MARK3: variants seen among roughly 807,000 people sequenced by gnomAD.
MARK3 encodes the protein MAP/microtubule affinity-regulating kinase 3.
MARK3 carries 46 observed loss-of-function variants against 90.1 expected under a neutral mutation model. The ratio of observed to expected loss-of-function variants is 0.51; its 90% CI spans 0.40 to 0.65. The LOEUF (loss-of-function observed/expected upper bound fraction) is 0.65. Ranked by LOEUF, MARK3 falls within the 30% of genes least tolerant of loss-of-function variation. The pLI is 0.00. For missense variants in MARK3, 818 were observed against 947.2 expected (o/e 0.86, Z 1.79); for synonymous variants, 321 against 332.6 (o/e 0.97, Z 0.38).
chr14:103,496,520 A>T (rs534925383), intron 15 of MARK3, among the ~76,000 whole-genome samples: 1 of 151,808 alleles, frequency 6.6e-6, no homozygotes, highest in East Asian at 2.0e-4. Context: ...TCAAGCGATT[A>T]TCCTGCCTCA....
chr14:103,412,238 A>T, intron 2 of MARK3: 1 of 777,112 alleles, frequency 1.3e-6, no homozygotes, highest in East Asian at 2.5e-5. Context: ...GTTATGCACA[A>T]GCTCATCGTC....
chr14:103,466,358 A>G lies in MARK3; in HGVS notation c.913A>G (p.Arg305Gly). The G allele has an allele frequency of 1.2e-6, 2 of 1,612,806 alleles. No homozygotes were observed. The highest frequency in any genetic ancestry group is 1.1e-5 in the South Asian group (1 of 91,026). ...CCTTTTTTAGCAAATCATGAAGGAC[A>G]GGTGGATCAATGCAGGGCATGAAGA... Reference protein sequence around the residue: ...RGTLEQIMKDRWINAGHEEDE... With the variant: ...RGTLEQIMKDGWINAGHEEDE... Residue 305 changes from arginine (R) to glycine (G), a missense_variant, in exon 10 of 18, where the codon AGG (arginine) becomes GGG (glycine). Arg to Gly is a moderately radical substitution (Grantham distance 125, BLOSUM62 -2). This residue lies in a region of MARK3 where 560 missense variants were observed against 613.5 expected (regional missense o/e 0.91). Coordinates refer to ENST00000429436, the MANE Select transcript of MARK3 (RefSeq NM_001128918.3).
At chr14:103,498,569 C>T in intron 16 of MARK3, 41 bp downstream of exon 16, 1 of 1,317,560 alleles carries the variant, frequency 7.6e-7, no homozygotes, top group East Asian at 3.3e-5. Flanking sequence ...AATCCTCACT[C>T]CCAAATGGCT....
In MARK3 at chr14:103,412,304, T is replaced by C. The variant is rs2091689106; in HGVS notation, c.243+7037T>C. 1.1e-5 allele frequency: 7 copies of C among 640,800 alleles called. No individual in the cohort carries two copies. In the Admixed American group the frequency reaches 1.7e-4, roughly 15 times the overall value. 39.7% of individuals were successfully genotyped at this position (640,800 alleles called of 1,614,324 possible). On this transcript the variant is annotated intron_variant, in intron 2 of 17. Transcript: ENST00000429436. ...CAAACATAACATGTTCATATGAAACTTGATTGTGGACTTCGCCTCATCCAC... is the reference window on the plus strand; with the variant it reads ...CAAACATAACATGTTCATATGAAACCTGATTGTGGACTTCGCCTCATCCAC...
chr14:103,445,716 A>G (rs923687364), intron 3 of MARK3, among the ~76,000 whole-genome samples: 1 of 152,170 alleles, frequency 6.6e-6, no homozygotes, highest in Non-Finnish European at 1.5e-5. Flanking sequence ...CTTAAAGCCA[A>G]ATCTTTTGAA....
At chr14:103,453,431 C>G (rs769019100) in intron 5 of MARK3, among the ~76,000 whole-genome samples, 17 of 152,232 alleles carry the variant, frequency 1.1e-4, no homozygotes, top group Non-Finnish European at 2.5e-4. Context: ...TGTTACAAAA[C>G]CTGAAGATAG....
Position 103,465,257 on chromosome 14 carries a change from C to T in MARK3, c.541-300C>T, listed in dbSNP as rs151078057. Among the ~76,000 whole-genome samples, 114 of 152,258 alleles carry T rather than the reference C, an allele frequency of 7.5e-4. 1 individual carries two copies. Among genetic ancestry groups the T allele is most frequent in the Non-Finnish European group, 2.5e-4 (17 of 68,014 alleles). On this transcript the variant is annotated intron_variant, in intron 7 of 17. Transcript: ENST00000429436. ...TGCTGGGATCATAGGTGTGAGCCACCGTGCCCAGCCCCCATATTATTATTA... is the reference window on the plus strand; with the variant it reads ...TGCTGGGATCATAGGTGTGAGCCACTGTGCCCAGCCCCCATATTATTATTA...
chr14:103,420,942 T>G (rs1427454846), intron 2 of MARK3, among the ~76,000 whole-genome samples: 2 of 152,130 alleles, frequency 1.3e-5, no homozygotes, highest in African/African-American at 4.8e-5. Flanking sequence ...GATTTTGCCA[T>G]TTAAAATGGG....
chr14:103,478,976 A>G (rs1429367541), intron 13 of MARK3, among the ~76,000 whole-genome samples: 12 of 152,198 alleles, frequency 7.9e-5, no homozygotes, highest in Admixed American at 7.2e-4. Flanking sequence ...GCTACTATAA[A>G]CAATTGTGTA....
At chr14:103,459,653 C>T (rs1040593731) in intron 6 of MARK3, among the ~76,000 whole-genome samples, 3 of 149,388 alleles carry the variant, frequency 2.0e-5, no homozygotes, top group African/African-American at 7.5e-5. Context: ...GTGTGCACCA[C>T]CACGCCCAGC....
chr14:103,467,391 G>A (rs554388975), intron 11 of MARK3, 200 bp downstream of exon 11: 13 of 337,682 alleles, frequency 3.8e-5, no homozygotes, highest in East Asian at 3.2e-4. Context: ...TTGGCCAGGC[G>A]TGGTGGCTCA....
At chr14:103,423,198 G>GTTTTTTTTTTTTTT (rs1418393541) in intron 2 of MARK3, among the ~76,000 whole-genome samples, 23 of 8,374 alleles carry the variant, frequency 2.7e-3, no homozygotes, top group African/African-American at 5.1e-3. Flanking sequence ...AGGACTTGCA[G>GTTTTTTTTTTTTTT]TCTTTTTTTT....
chr14:103,412,685 G>A, intron 2 of MARK3: 1 of 795,734 alleles, frequency 1.3e-6, no homozygotes. Flanking sequence ...CAGGAACTTG[G>A]GGCACTTTCA....
Position 103,385,630 on chromosome 14 carries a change from G to A in MARK3, c.-400G>A. The stretch of plus-strand genomic sequence containing the variant: ...CTCCGCCTCCTCGTTTTCAGGCGCC[G>A]CCGGCGGCGCTGTGTGGAGGCCCGC... On this transcript the variant is annotated 5_prime_UTR_variant, in exon 1 of 18. Coordinates refer to ENST00000429436, the MANE Select transcript of MARK3 (RefSeq NM_001128918.3). 6.0e-6 allele frequency: 1 copy of A among 167,418 alleles called. No homozygotes were observed. Among genetic ancestry groups the A allele is most frequent in the Non-Finnish European group, 1.3e-5 (1 of 78,410 alleles). The allele number at this position is 167,418 out of a possible 1,614,324, so 10.4% of individuals were successfully genotyped here.
intron 15 of MARK3, 108 bp from the exon 16 acceptor site, chr14:103,498,394 A>G (rs2075461539): frequency 1.3e-6 from 1 of 760,276 alleles, no homozygotes; most frequent in Non-Finnish European, 1.9e-6. Context: ...CAGAGAAGGA[A>G]CCCTGCTTTG....
intron 1 of MARK3, among the ~76,000 whole-genome samples, chr14:103,393,869 G>A (rs12889639): frequency 0.63 from 96,148 of 151,658 alleles, 30,959 homozygotes; most frequent in East Asian, 0.86. Context: ...AGTAGCTGGG[G>A]TTACAGGCAC....
At chr14:103,392,947 T>C (rs537914782) in intron 1 of MARK3, among the ~76,000 whole-genome samples, 1 of 152,002 alleles carries the variant, frequency 6.6e-6, no homozygotes, top group East Asian at 1.9e-4. Context: ...GTAGCTAGGA[T>C]TACAGGCAGC....
chr14:103,502,063 G>A (rs1016320737), intron 17 of MARK3, among the ~76,000 whole-genome samples: 1 of 152,174 alleles, frequency 6.6e-6, no homozygotes, highest in South Asian at 2.1e-4. Flanking sequence ...TATAAATAAC[G>A]GCTTGTGGCA....
At chr14:103,411,947 A>G (rs1358564933) in intron 2 of MARK3, among the ~76,000 whole-genome samples, 6 of 82,588 alleles carry the variant, frequency 7.3e-5, no homozygotes, top group East Asian at 3.8e-4. Context: ...CAAAATTTTC[A>G]TAGCTTTTTT....
Sources: gnomAD v4.1 joint callset for allele counts (sites outside exome capture counted in the v4.1 genomes callset) on GRCh38, gnomAD v4.1.1 for gene constraint, gnomAD v4.1.1 regional missense constraint, MANE v1.5 for transcripts, NCBI Gene and HGNC (gene_info 2026-07-23, HGNC 2026-07-21) for gene names.